MSR1: variants seen among roughly 807,000 people sequenced by gnomAD.
The protein encoded by MSR1 is macrophage scavenger receptor types I and II.
In MSR1, 53 loss-of-function variants were observed where a neutral mutation model predicts 47.2. That is an observed-to-expected ratio of 1.12 (90% confidence interval 0.90 to 1.41). MSR1 has a LOEUF of 1.41. Ranked by LOEUF, MSR1 falls within the 40% of genes most tolerant of loss-of-function variation. The pLI, the probability that MSR1 is intolerant of heterozygous loss-of-function variation, is 0.00. For synonymous variants in MSR1, 239 were observed against 185.6 expected (o/e 1.29, Z -2.34); for missense variants, 786 against 546.9 (o/e 1.44, Z -4.36).
intron 7 of MSR1, among the ~76,000 whole-genome samples, chr8:16,145,160 T>G (rs1269164232): frequency 2.0e-5 from 3 of 152,268 alleles, no homozygotes; most frequent in Non-Finnish European, 4.4e-5. Flanking sequence ...TCTAATTCTC[T>G]AATTGCTTTG....
chr8:16,141,070 T>C (rs1800544735), intron 8 of MSR1: 1 of 1,610,830 alleles, frequency 6.2e-7, no homozygotes, highest in Admixed American at 1.7e-5. Context: ...AAGGAGGAAA[T>C]TAATTATTTT....
chr8:16,191,652 A>T (rs1375572047), intron 1 of MSR1, among the ~76,000 whole-genome samples: 1 of 152,124 alleles, frequency 6.6e-6, no homozygotes, highest in Non-Finnish European at 1.5e-5. Flanking sequence ...TCAACTAGGG[A>T]GCAGGGGAGC....
intron 7 of MSR1, among the ~76,000 whole-genome samples, chr8:16,147,450 T>G (rs975967665): frequency 6.6e-6 from 1 of 152,156 alleles, no homozygotes; most frequent in Non-Finnish European, 1.5e-5. Flanking sequence ...TTGAACTTTT[T>G]GCTTCAGAAT....
intron 4 of MSR1, 108 bp downstream of exon 4, chr8:16,168,349 AG>A: frequency 9.5e-7 from 1 of 1,055,792 alleles, no homozygotes; most frequent in East Asian, 2.5e-5. Context: ...CAGGGTAAAC[AG>A]GATGATGAAA....
At chr8:16,151,708 T>A (rs556500588) in intron 6 of MSR1, among the ~76,000 whole-genome samples, 12 of 152,266 alleles carry the variant, frequency 7.9e-5, no homozygotes, top group Admixed American at 6.5e-4. Context: ...GAATCCATCA[T>A]TTTAGAGACA....
intron 9 of MSR1, 150 bp downstream of exon 9, chr8:16,120,268 T>C: frequency 1.3e-6 from 1 of 795,754 alleles, no homozygotes; most frequent in Non-Finnish European, 2.1e-6. Flanking sequence ...TCCCAGCTAC[T>C]AGGCAGGCTA....
intron 6 of MSR1, 95 bp downstream of exon 6, chr8:16,154,969 G>C (rs1800960680): frequency 4.0e-6 from 4 of 1,007,606 alleles, no homozygotes; most frequent in Non-Finnish European, 6.2e-6. Flanking sequence ...TCCTCTGCAG[G>C]ATATAAATAA....
chr8:16,183,552 TTATATAA>T (rs1300960393), intron 1 of MSR1, among the ~76,000 whole-genome samples: 1 of 145,312 alleles, frequency 6.9e-6, no homozygotes, highest in East Asian at 1.9e-4. Context: ...TATATATACA[TTATATAA>T]TATATAATTT....
intron 5 of MSR1, among the ~76,000 whole-genome samples, chr8:16,157,847 C>T (rs1801053780): frequency 6.6e-6 from 1 of 151,926 alleles, no homozygotes; most frequent in Admixed American, 6.6e-5. Flanking sequence ...TGTTTCACCT[C>T]CTAGTTCCCT....
At position 16,155,759 on chromosome 8, in the gene MSR1, G is replaced by A. The variant is rs1002561200; in HGVS notation, c.818-615C>T. ...AAGGGGAAGGAAGACAATTCCTAGGGATTGAGAAAGGCATGAGGAAAGGCA... is the reference window on the plus strand; with the variant it reads ...AAGGGGAAGGAAGACAATTCCTAGGAATTGAGAAAGGCATGAGGAAAGGCA... On this transcript the variant is annotated intron_variant, in intron 5 of 9. Coordinates refer to ENST00000262101, the MANE Select transcript of MSR1 (RefSeq NM_138715.3). Among the ~76,000 whole-genome samples, 5 of 151,902 alleles carry A rather than the reference G, an allele frequency of 3.3e-5. No homozygotes were observed. In the South Asian group the frequency reaches 6.2e-4, roughly 19 times the overall value.
chr8:16,152,114 C>T (rs1800877511), intron 6 of MSR1, among the ~76,000 whole-genome samples: 1 of 152,102 alleles, frequency 6.6e-6, no homozygotes, highest in Non-Finnish European at 1.5e-5. Context: ...CTCAGTAATA[C>T]AATCATTATT....
intron 9 of MSR1, among the ~76,000 whole-genome samples, chr8:16,113,845 A>G (rs1799816838): frequency 6.6e-6 from 1 of 152,086 alleles, no homozygotes; most frequent in African/African-American, 2.4e-5. Context: ...AAAGCATGGT[A>G]TGAGAGAAAG....
intron 8 of MSR1, among the ~76,000 whole-genome samples, chr8:16,133,706 T>C: frequency 6.6e-6 from 1 of 152,156 alleles, no homozygotes; most frequent in East Asian, 1.9e-4. Context: ...TGATTATGCA[T>C]TGTCTTCAGG....
At chr8:16,114,033 A>G (rs987797972) in intron 9 of MSR1, among the ~76,000 whole-genome samples, 7 of 152,094 alleles carry the variant, frequency 4.6e-5, no homozygotes, top group Non-Finnish European at 1.0e-4. Context: ...GACCAGCCCT[A>G]TACTACTTTC....
intron 1 of MSR1, among the ~76,000 whole-genome samples, chr8:16,190,438 TAA>T (rs891580169): frequency 2.6e-5 from 4 of 152,182 alleles, no homozygotes; most frequent in African/African-American, 4.8e-5. Flanking sequence ...TAGATTTTGA[TAA>T]GAGTTAAATA....
At position 16,139,763 on chromosome 8, in the gene MSR1, AAAAAAAAAAAAATATATATATAT is replaced by A. The variant is rs1187582521; in HGVS notation, c.1033+3772_1033+3794del. 1.6e-4 allele frequency: 26 copies of A among 163,910 alleles called. No homozygotes were observed. In the African/African-American group the frequency reaches 1.8e-3, roughly 11 times the overall value. The allele number at this position is 163,910 out of a possible 1,614,324, so 10.2% of individuals were successfully genotyped here. On this transcript the variant is annotated intron_variant, in intron 8 of 9. Transcript: ENST00000262101. ...TTCAAAACTTAAAAAAAAAAAAAAA[AAAAAAAAAAAAATATATATATAT>A]ATATATATATATATATATATATATA...
chr8:16,112,798 T>C (rs1799787398), intron 9 of MSR1, among the ~76,000 whole-genome samples: 2 of 151,896 alleles, frequency 1.3e-5, no homozygotes, highest in Non-Finnish European at 2.9e-5. Context: ...GTGTGTTTCT[T>C]AGATATGTTT....
chr8:16,180,146 C>A (rs1801785881), intron 1 of MSR1, among the ~76,000 whole-genome samples: 1 of 151,664 alleles, frequency 6.6e-6, no homozygotes, highest in Non-Finnish European at 1.5e-5. Context: ...CCTCTCTCTC[C>A]CTTCTTTCTC....
chr8:16,147,111 G>C (rs1356987020), intron 7 of MSR1, among the ~76,000 whole-genome samples: 1 of 152,132 alleles, frequency 6.6e-6, no homozygotes, highest in East Asian at 1.9e-4. Context: ...GAACAAGGTA[G>C]AACAGAACCT....
Sources: allele counts gnomAD v4.1 joint callset (sites outside exome capture counted in the v4.1 genomes callset), GRCh38; gene constraint gnomAD v4.1.1; transcripts MANE v1.5; gene names NCBI Gene and HGNC (gene_info 2026-07-23, HGNC 2026-07-21).